The following FRMD3 variants were observed in gnomAD, a reference collection of about 807,000 sequenced individuals.
The protein encoded by FRMD3 is FERM domain-containing protein 3.
In FRMD3, 33 loss-of-function variants were observed where a neutral mutation model predicts 70.2. The ratio of observed to expected loss-of-function variants is 0.47; its 90% confidence interval spans 0.36 to 0.63. FRMD3 has a LOEUF of 0.63. FRMD3 is among the 20% of genes least tolerant of loss of function. The pLI is 0.00. For synonymous variants in FRMD3, 279 were observed against 255.9 expected, an observed-to-expected ratio of 1.09 and a Z score of -0.86; for missense variants, 632 against 711.4, an observed-to-expected ratio of 0.89 and a Z score of 1.27.
chr9:83,565,688 T>C, the FRMD3 span, among the ~76,000 whole-genome samples: 1 of 152,260 alleles, frequency 6.6e-6, no homozygotes, highest in African/African-American at 2.4e-5. Context: ...CACTGATTAG[T>C]AATAGAGAAT....
At chr9:83,427,871 C>T (rs1826855873) in intron 1 of FRMD3, among the ~76,000 whole-genome samples, 1 of 152,100 alleles carries the variant, frequency 6.6e-6, no homozygotes, top group African/African-American at 2.4e-5. Flanking sequence ...ATGAGCTTGG[C>T]CAACTTTTTA....
intron 1 of FRMD3, among the ~76,000 whole-genome samples, chr9:83,457,133 A>C (rs1213575855): frequency 6.6e-6 from 1 of 152,242 alleles, no homozygotes; most frequent in Non-Finnish European, 1.5e-5. Context: ...ATAAAGACAA[A>C]TATCTACTTA....
intron 11 of FRMD3, 60 bp downstream of exon 11, chr9:83,299,052 T>C (rs1834793584): frequency 7.7e-7 from 1 of 1,294,662 alleles, no homozygotes; most frequent in Non-Finnish European, 1.1e-6. Context: ...AGCAGAATTT[T>C]GAAATTTAAG....
intron 2 of FRMD3, among the ~76,000 whole-genome samples, chr9:83,386,623 A>C (rs1825517939): frequency 6.6e-6 from 1 of 152,210 alleles, no homozygotes; most frequent in Non-Finnish European, 1.5e-5. Context: ...ATCACAGTAC[A>C]ACTATCAAAA....
At chr9:83,260,930 T>C (rs548495051) in intron 13 of FRMD3, among the ~76,000 whole-genome samples, 26 of 152,234 alleles carry the variant, frequency 1.7e-4, no homozygotes, top group African/African-American at 6.3e-4. Context: ...AGAATGACAT[T>C]TACTTTTCCA....
the FRMD3 span, among the ~76,000 whole-genome samples, chr9:83,575,632 T>A: frequency 2.0e-5 from 3 of 152,162 alleles, no homozygotes; most frequent in Non-Finnish European, 4.4e-5. Context: ...CAAAACTGTA[T>A]GCCAGTGAAT....
At position 83,389,599 on chromosome 9, in the gene FRMD3, C is replaced by T; in HGVS notation, c.252+5G>A. On this transcript the variant is annotated splice_donor_5th_base_variant and intron_variant, in intron 2 of 13. Transcript: ENST00000304195. ...AAATGGCTCCAGATAGAAATCAGCT[C>T]TTACCCTTTGCTTCTCTGGGTCCAC... is the stretch of plus-strand genomic sequence containing the variant. 6.2e-7 allele frequency: 1 copy of T among 1,602,548 alleles called. No homozygotes were observed. The highest frequency in any genetic ancestry group is 8.6e-7 in the Non-Finnish European group (1 of 1,169,508).
the FRMD3 span, among the ~76,000 whole-genome samples, chr9:83,577,543 T>C: frequency 6.6e-6 from 1 of 152,006 alleles, no homozygotes; most frequent in Admixed American, 6.6e-5. Context: ...TCACCATATA[T>C]ACAAACACTC....
At chr9:83,267,490 A>G (rs972163552) in intron 13 of FRMD3, among the ~76,000 whole-genome samples, 2 of 152,178 alleles carry the variant, frequency 1.3e-5, no homozygotes, top group Admixed American at 1.3e-4. Flanking sequence ...TGACAACTGG[A>G]TAATTCCATA....
intron 1 of FRMD3, among the ~76,000 whole-genome samples, chr9:83,515,233 G>A (rs1380289707): frequency 2.0e-5 from 3 of 152,316 alleles, no homozygotes; most frequent in South Asian, 4.1e-4. Context: ...TAAAAGGTTA[G>A]AAGAATTGCT....
chr9:83,266,489 A>C (rs1833261694), intron 13 of FRMD3, among the ~76,000 whole-genome samples: 1 of 152,246 alleles, frequency 6.6e-6, no homozygotes, highest in South Asian at 2.1e-4. Context: ...ATAAAATAAC[A>C]AAATATATTT....
intron 12 of FRMD3, 48 bp from the exon 13 acceptor site, chr9:83,290,775 T>C: frequency 6.4e-7 from 1 of 1,556,520 alleles, no homozygotes; most frequent in East Asian, 2.3e-5. Context: ...TCACAAATGC[T>C]GGCCCCTCCA....
At chr9:83,341,369 T>C (rs928363199) in intron 5 of FRMD3, among the ~76,000 whole-genome samples, 1 of 152,170 alleles carries the variant, frequency 6.6e-6, no homozygotes, top group Non-Finnish European at 1.5e-5. Context: ...TCCGTGGCTT[T>C]ATTTCAAACA....
At chr9:83,410,210 G>T (rs377261578) in intron 1 of FRMD3, among the ~76,000 whole-genome samples, 1 of 152,176 alleles carries the variant, frequency 6.6e-6, no homozygotes, top group African/African-American at 2.4e-5. Flanking sequence ...CGGGAATACC[G>T]CATGATGCTG....
intron 1 of FRMD3, among the ~76,000 whole-genome samples, chr9:83,434,797 T>C (rs1178094339): frequency 6.8e-6 from 1 of 147,138 alleles, no homozygotes; most frequent in Non-Finnish European, 1.5e-5. Flanking sequence ...CATCTGAATC[T>C]CTCCCCTCCC....
intron 8 of FRMD3, 21 bp from the exon 9 acceptor site, chr9:83,310,569 G>A (rs1835313277): frequency 1.9e-6 from 3 of 1,572,338 alleles, no homozygotes; most frequent in African/African-American, 1.4e-5. Flanking sequence ...AAAATCTCTG[G>A]GTAAGAAGAA....
At chr9:83,355,437 G>A (rs1333020324) in intron 3 of FRMD3, among the ~76,000 whole-genome samples, 1 of 152,170 alleles carries the variant, frequency 6.6e-6, no homozygotes, top group African/African-American at 2.4e-5. Context: ...TGGTGCTCAG[G>A]CTTCAGCACC....
chr9:83,491,924 G>A (rs570649246), intron 1 of FRMD3, among the ~76,000 whole-genome samples: 18 of 152,312 alleles, frequency 1.2e-4, no homozygotes, highest in African/African-American at 3.8e-4. Context: ...AGAGACAGGC[G>A]TCCACAGGGG....
chr9:83,469,823 A>G (rs1358316271), intron 1 of FRMD3, among the ~76,000 whole-genome samples: 1 of 152,240 alleles, frequency 6.6e-6, no homozygotes, highest in Non-Finnish European at 1.5e-5. Context: ...GTGTCTTCTC[A>G]CCAATGAGAG....
Sources: gnomAD v4.1 joint callset for allele counts (sites outside exome capture counted in the v4.1 genomes callset) on GRCh38, gnomAD v4.1.1 for gene constraint, MANE v1.5 for transcripts, NCBI Gene and HGNC (gene_info 2026-07-23, HGNC 2026-07-21) for gene names.